LNPEP: variants seen among roughly 807,000 people sequenced by gnomAD.
LNPEP encodes leucyl and cystinyl aminopeptidase, also known as leucyl-cystinyl aminopeptidase.
In LNPEP, 64 loss-of-function variants were observed where a neutral mutation model predicts 120.6. That is an observed-to-expected ratio of 0.53 (90% CI 0.43 to 0.65). The LOEUF is 0.65. Among genes scored for constraint, LNPEP ranks in the 30% least tolerant of loss-of-function variants. LNPEP has a pLI of 0.00. For synonymous variants in LNPEP, 435 were observed against 425.4 expected (o/e 1.02, Z -0.28); for missense variants, 1,057 against 1,200.0 (o/e 0.88, Z 1.76).
At chr5:96,955,171 C>T (rs569047302) in intron 1 of LNPEP, among the ~76,000 whole-genome samples, 1 of 152,114 alleles carries the variant, frequency 6.6e-6, no homozygotes, top group African/African-American at 2.4e-5. Context: ...CACTGATATG[C>T]TTTCTGATAT....
At chr5:96,938,858 C>A (rs1442930850) in intron 1 of LNPEP, among the ~76,000 whole-genome samples, 1 of 151,750 alleles carries the variant, frequency 6.6e-6, no homozygotes, top group African/African-American at 2.4e-5. Context: ...GGGTTTGGAT[C>A]TTTGGTGGCT....
chr5:96,942,966 G>A (rs1789096077), intron 1 of LNPEP: 1 of 160,736 alleles, frequency 6.2e-6, no homozygotes, highest in Non-Finnish European at 1.4e-5. Flanking sequence ...TGGATCAAAG[G>A]AAAAGAATCT....
chr5:97,022,474 G>A lies in LNPEP; in HGVS notation c.2551G>A (p.Gly851Arg), dbSNP rs747779437. The A allele has an allele frequency of 1.2e-5, 20 of 1,612,040 alleles. No individual in the cohort carries two copies. Among genetic ancestry groups the A allele is most frequent in the Non-Finnish European group, 1.7e-6 (2 of 1,178,394 alleles). ...KLFDDWMASNGTQSLPTDVMT... is the reference protein window; with the variant it reads ...KLFDDWMASNRTQSLPTDVMT... ...GTTTGATGACTGGATGGCATCCAAT[G>A]GAACTCAAAGGTGAAGTATACCTCT... Residue 851 changes from glycine to arginine, a missense_variant, in exon 14 of 18, where the codon GGA (glycine) becomes AGA (arginine). Gly to Arg is a moderately radical substitution (Grantham distance 125). Coordinates refer to ENST00000231368, the MANE Select transcript of LNPEP (RefSeq NM_005575.3).
chr5:96,983,449 CT>C (rs145758876), intron 2 of LNPEP, among the ~76,000 whole-genome samples: 5,710 of 151,382 alleles, frequency 0.038, 185 homozygotes, highest in Middle Eastern at 0.11. Context: ...GAGGACTTTT[CT>C]TTTTTTTTCC....
At chr5:96,958,807 C>G (rs1336075757) in intron 1 of LNPEP, 1 of 146,068 alleles carries the variant, frequency 6.8e-6, no homozygotes, top group Non-Finnish European at 1.5e-5. Flanking sequence ...TTATTTCACT[C>G]TGATAGCCTC....
At chr5:96,981,533 AC>A (rs1311827636) in intron 2 of LNPEP, among the ~76,000 whole-genome samples, 1 of 152,064 alleles carries the variant, frequency 6.6e-6, no homozygotes, top group East Asian at 1.9e-4. Flanking sequence ...AAATCACCTT[AC>A]TCTGCTGTAT....
intron 4 of LNPEP, among the ~76,000 whole-genome samples, chr5:96,989,668 G>A (rs1790351254): frequency 6.6e-6 from 1 of 151,780 alleles, no homozygotes; most frequent in African/African-American, 2.4e-5. Context: ...ACCAAGTCCA[G>A]AATGCTGTTC....
chr5:96,973,420 G>C (rs1561436681), intron 1 of LNPEP, among the ~76,000 whole-genome samples: 1 of 151,890 alleles, frequency 6.6e-6, no homozygotes, highest in African/African-American at 2.4e-5. Flanking sequence ...CATCACTTTG[G>C]AAATTTATCT....
chr5:96,940,477 A>T (rs1189921995), intron 1 of LNPEP, among the ~76,000 whole-genome samples: 1 of 151,980 alleles, frequency 6.6e-6, no homozygotes, highest in Non-Finnish European at 1.5e-5. Flanking sequence ...TCATCAGATA[A>T]TGCTTACCTA....
intron 1 of LNPEP, among the ~76,000 whole-genome samples, chr5:96,952,009 T>A (rs1194515996): frequency 2.7e-5 from 4 of 149,308 alleles, no homozygotes; most frequent in South Asian, 2.2e-4. Context: ...ACTCTTAAAA[T>A]TTTTTTTATC....
At chr5:96,983,549 G>A (rs775835711) in intron 2 of LNPEP, among the ~76,000 whole-genome samples, 2 of 152,002 alleles carry the variant, frequency 1.3e-5, no homozygotes, top group Non-Finnish European at 2.9e-5. Flanking sequence ...AGGTGCAAGC[G>A]ATTCTCCTGC....
intron 15 of LNPEP, 104 bp from the exon 16 acceptor site, chr5:97,026,513 G>A: frequency 1.2e-6 from 1 of 837,348 alleles, no homozygotes. Flanking sequence ...TTCTCAATTT[G>A]CTACACAGCT....
intron 14 of LNPEP, among the ~76,000 whole-genome samples, chr5:97,022,794 C>A (rs866981824): frequency 5.4e-5 from 6 of 110,948 alleles, no homozygotes; most frequent in Non-Finnish European, 7.2e-5. Context: ...CCCCTCCCCC[C>A]ACCCCACAAC....
At position 97,011,169 on chromosome 5, in the gene LNPEP, A is replaced by G. The variant is rs1790917060; in HGVS notation, c.2036-2479A>G. On this transcript the variant is annotated intron_variant, in intron 11 of 17. Coordinates refer to ENST00000231368, the MANE Select transcript of LNPEP (RefSeq NM_005575.3). ...TAGCCATCATTTCTTGTCTCCTTTT[A>G]TGGGCAAGGGAGACTTGGGTCTCTG... is the stretch of plus-strand genomic sequence containing the variant. The G allele has an allele frequency of 4.1e-6, 4 of 985,072 alleles. No individual in the cohort carries two copies. The African/African-American group carries it at 7.0e-5, about 17-fold the overall frequency. 61.0% of individuals were successfully genotyped at this position (985,072 alleles called of 1,614,324 possible). A position where few individuals can be genotyped will look rare whatever the true frequency, so the allele number is the denominator to read the frequency against.
intron 8 of LNPEP, 93 bp downstream of exon 8, chr5:96,998,238 G>A: frequency 1.0e-6 from 1 of 1,002,244 alleles, no homozygotes; most frequent in Non-Finnish European, 1.5e-6. Flanking sequence ...TTATTTTAAA[G>A]ATTAAATGTT....
intron 1 of LNPEP, among the ~76,000 whole-genome samples, chr5:96,938,597 A>G (rs183628843): frequency 3.3e-4 from 50 of 152,232 alleles, no homozygotes; most frequent in African/African-American, 1.1e-3. Context: ...TTTCTGTCCA[A>G]AGTTGCCACT....
At chr5:96,996,173 A>G (rs1790510893) in intron 6 of LNPEP, 2 of 358,974 alleles carry the variant, frequency 5.6e-6, no homozygotes, top group Non-Finnish European at 9.7e-6. Flanking sequence ...AGTTAAGGTA[A>G]AAGATTAAAA....
chr5:97,009,161 G>GA (rs1413374707), intron 11 of LNPEP, among the ~76,000 whole-genome samples: 1 of 152,012 alleles, frequency 6.6e-6, no homozygotes, highest in Non-Finnish European at 1.5e-5. Context: ...TCTCCTTAAG[G>GA]AACACCCTTG....
Position 97,022,429 on chromosome 5 carries a change from T to A in LNPEP, c.2506T>A (p.Ser836Thr). 3 of 1,614,088 alleles carry A rather than the reference T, an allele frequency of 1.9e-6. No homozygotes were observed. The highest frequency in any genetic ancestry group is 2.5e-6 in the Non-Finnish European group (3 of 1,179,976). Residue 836 changes from serine (S) to threonine (T), a missense_variant, in exon 14 of 18, where the codon TCT becomes ACT. Transcript: ENST00000231368. ...TTGCACCCACAACCTGGGGAACTGC[T>A]CTACTACTGCCATGAAACTGTTTGA... ...FACTHNLGNC[S>T]TTAMKLFDDW... is the part of the protein sequence containing the mutation.
Sources: allele counts gnomAD v4.1 joint callset (sites outside exome capture counted in the v4.1 genomes callset), GRCh38; gene constraint gnomAD v4.1.1; transcripts MANE v1.5; gene names NCBI Gene and HGNC (gene_info 2026-07-23, HGNC 2026-07-21).